Variants in MAF observed in about 807,000 individuals in gnomAD.
The protein encoded by MAF is MAF bZIP transcription factor, also known as transcription factor Maf.
In MAF, 10 loss-of-function variants were observed where a neutral mutation model predicts 22.0. That is an observed-to-expected ratio of 0.45 (90% CI 0.28 to 0.77). MAF has a LOEUF of 0.77. Ranked by LOEUF, MAF falls within the 30% of genes least tolerant of loss-of-function variation. MAF has a pLI of 0.12. For missense variants in MAF, 544 were observed against 548.4 expected (o/e 0.99, Z 0.08); for synonymous variants, 337 against 255.8 (o/e 1.32, Z -3.03).
At chr16:79,380,993 C>A in the MAF span, among the ~76,000 whole-genome samples, 1 of 152,372 alleles carries the variant, frequency 6.6e-6, no homozygotes, top group South Asian at 2.1e-4. Context: ...ACCTCCCATA[C>A]CTGGGATTAG....
At chr16:79,493,948 A>G in the MAF span, among the ~76,000 whole-genome samples, 1 of 151,456 alleles carries the variant, frequency 6.6e-6, no homozygotes, top group African/African-American at 2.4e-5. Flanking sequence ...CCCAGGTTAC[A>G]TAAGGATTTC....
the MAF span, among the ~76,000 whole-genome samples, chr16:79,295,326 C>T: frequency 2.0e-5 from 3 of 152,126 alleles, no homozygotes; most frequent in African/African-American, 7.2e-5. Context: ...CCTTCTGAGT[C>T]CGGGTAGGCT....
At chr16:79,534,593 G>T in the MAF span, among the ~76,000 whole-genome samples, 19 of 151,932 alleles carry the variant, frequency 1.3e-4, no homozygotes, top group South Asian at 2.1e-4. Flanking sequence ...GTCATGGGAT[G>T]GGGGGAGGGA....
At chr16:79,398,160 A>G in the MAF span, among the ~76,000 whole-genome samples, 2 of 152,096 alleles carry the variant, frequency 1.3e-5, no homozygotes, top group East Asian at 1.9e-4. Flanking sequence ...TCCATCTTCA[A>G]ATCAAATCAC....
chr16:79,359,706 TG>T, the MAF span, among the ~76,000 whole-genome samples: 4 of 152,310 alleles, frequency 2.6e-5, no homozygotes, highest in East Asian at 7.7e-4. Context: ...GCCAAGAGCT[TG>T]GGGGTCAAGC....
the MAF span, among the ~76,000 whole-genome samples, chr16:79,447,087 A>G: frequency 1.3e-5 from 2 of 150,740 alleles, no homozygotes; most frequent in East Asian, 2.0e-4. Flanking sequence ...AAATTATTTC[A>G]TGGAGACATA....
At position 79,599,934 on chromosome 16, in the gene MAF, C is replaced by T. The variant is rs547993712; in HGVS notation, c.-32G>A. On this transcript the variant is annotated 5_prime_UTR_variant, in exon 1 of 2. Coordinates refer to ENST00000326043, the MANE Select transcript of MAF (RefSeq NM_005360.5). Reference sequence around the variant, plus strand: ...GCCGCCGCCGCCGCCGCCGCCGCCGCTCCGCCAGATGGGCTGCAGGAGAGG... The same window carrying T: ...GCCGCCGCCGCCGCCGCCGCCGCCGTTCCGCCAGATGGGCTGCAGGAGAGG... The T allele has an allele frequency of 1.9e-6, 3 of 1,596,418 alleles. No homozygotes were observed. The highest frequency in any genetic ancestry group is 2.2e-5 in the South Asian group (2 of 90,948).
At chr16:79,445,868 A>G in the MAF span, among the ~76,000 whole-genome samples, 8 of 152,312 alleles carry the variant, frequency 5.3e-5, no homozygotes, top group East Asian at 1.5e-3. Context: ...GCCTGATAAG[A>G]CACTAATGCA....
At chr16:79,596,054 G>A (rs887499304) in intron 1 of MAF, 79 of 1,061,826 alleles carry the variant, frequency 7.4e-5, no homozygotes, top group Non-Finnish European at 8.4e-5. Context: ...GAAAAGGCAA[G>A]CGCTGTTTCT....
the MAF span, among the ~76,000 whole-genome samples, chr16:79,349,025 G>C: frequency 6.6e-6 from 1 of 152,152 alleles, no homozygotes; most frequent in East Asian, 1.9e-4. Context: ...CCCCAGATGT[G>C]GTGATTGGCT....
chr16:79,207,073 G>C, the MAF span, among the ~76,000 whole-genome samples: 3 of 152,148 alleles, frequency 2.0e-5, no homozygotes, highest in Non-Finnish European at 4.4e-5. Context: ...TCTCCTGGGG[G>C]AGTGTTACTG....
chr16:79,544,090 T>C, the MAF span, among the ~76,000 whole-genome samples: 1 of 152,078 alleles, frequency 6.6e-6, no homozygotes, highest in South Asian at 2.1e-4. Flanking sequence ...AATTAAGTTT[T>C]AAAAAGCTAC....
chr16:79,233,971 G>A, the MAF span, among the ~76,000 whole-genome samples: 4 of 146,538 alleles, frequency 2.7e-5, no homozygotes, highest in East Asian at 4.0e-4. Context: ...CAGTCTGGGC[G>A]AAAGAGTGAG....
At chr16:79,482,365 C>G in the MAF span, among the ~76,000 whole-genome samples, 1 of 152,160 alleles carries the variant, frequency 6.6e-6, no homozygotes, top group African/African-American at 2.4e-5. Context: ...GAAGGCTTAC[C>G]ACCGCCTTCT....
At chr16:79,539,977 A>G in the MAF span, among the ~76,000 whole-genome samples, 1 of 152,100 alleles carries the variant, frequency 6.6e-6, no homozygotes, top group Non-Finnish European at 1.5e-5. Flanking sequence ...ACAAAAAAAT[A>G]TATATATAAA....
At chr16:79,452,817 T>C in the MAF span, among the ~76,000 whole-genome samples, 2 of 152,152 alleles carry the variant, frequency 1.3e-5, no homozygotes, top group Non-Finnish European at 2.9e-5. Flanking sequence ...AAAGGGAGAT[T>C]ACCTCTTGAG....
At chr16:79,545,734 C>A in the MAF span, among the ~76,000 whole-genome samples, 2 of 151,880 alleles carry the variant, frequency 1.3e-5, no homozygotes, top group South Asian at 4.2e-4. Context: ...ACGGTGGTTA[C>A]CAGAAGCCAG....
chr16:79,509,845 T>C, the MAF span, among the ~76,000 whole-genome samples: 5 of 152,206 alleles, frequency 3.3e-5, no homozygotes, highest in Non-Finnish European at 7.3e-5. Context: ...GCCTCTTCTG[T>C]GTCTACTGGT....
the MAF span, among the ~76,000 whole-genome samples, chr16:79,572,453 C>T: frequency 2.0e-5 from 3 of 152,186 alleles, no homozygotes; most frequent in Non-Finnish European, 4.4e-5. Context: ...GCTCAATGAA[C>T]AATACCGGCC....
Sources: allele counts gnomAD v4.1 joint callset (sites outside exome capture counted in the v4.1 genomes callset), GRCh38; gene constraint gnomAD v4.1.1; transcripts MANE v1.5; gene names NCBI Gene and HGNC (gene_info 2026-07-23, HGNC 2026-07-21).